ASIC2: variants seen among roughly 807,000 people sequenced by gnomAD.
The protein encoded by ASIC2 is acid-sensing ion channel 2.
In ASIC2, 25 loss-of-function variants were observed where a neutral mutation model predicts 57.3. The ratio of observed to expected loss-of-function variants is 0.44; its 90% CI spans 0.32 to 0.61. The LOEUF (loss-of-function observed/expected upper bound fraction) is 0.61, where lower values mean the gene tolerates loss of function less well. ASIC2 is among the 20% of genes least tolerant of loss of function. The probability of loss-of-function intolerance (pLI) is 0.06; values close to 1 mark genes in which losing one functional copy is unlikely to be tolerated. For missense variants in ASIC2, 641 were observed against 738.1 expected, an observed-to-expected ratio of 0.87 and a Z score of 1.52; for synonymous variants, 319 against 307.5, an observed-to-expected ratio of 1.04 and a Z score of -0.39.
At chr17:33,537,404 C>CCA (rs778435218) in intron 1 of ASIC2, among the ~76,000 whole-genome samples, 6 of 152,196 alleles carry the variant, frequency 3.9e-5, no homozygotes, top group Non-Finnish European at 7.4e-5. Flanking sequence ...GCCCACCCTG[C>CCA]CACAGCACGT....
chr17:33,240,783 C>T (rs1908472178), intron 1 of ASIC2, among the ~76,000 whole-genome samples: 1 of 152,148 alleles, frequency 6.6e-6, no homozygotes, highest in African/African-American at 2.4e-5. Flanking sequence ...CTCTGGGTGT[C>T]TTCCTCCATA....
At chr17:33,652,846 CTGA>C (rs991125078) in intron 1 of ASIC2, among the ~76,000 whole-genome samples, 1 of 152,182 alleles carries the variant, frequency 6.6e-6, no homozygotes, top group Non-Finnish European at 1.5e-5. Context: ...CTGCCAGTGA[CTGA>C]TGAAGAAATA....
intron 1 of ASIC2, among the ~76,000 whole-genome samples, chr17:33,358,532 G>A (rs1396424915): frequency 6.6e-6 from 1 of 152,072 alleles, no homozygotes; most frequent in Non-Finnish European, 1.5e-5. Context: ...CAAAGTGCTG[G>A]GCATTGAGTT....
At chr17:33,723,462 G>A (rs996582298) in intron 1 of ASIC2, among the ~76,000 whole-genome samples, 3 of 152,144 alleles carry the variant, frequency 2.0e-5, no homozygotes, top group African/African-American at 7.2e-5. Context: ...CCCAGAAGCT[G>A]GGATTACAGG....
intron 1 of ASIC2, among the ~76,000 whole-genome samples, chr17:33,168,574 C>A (rs1372714054): frequency 2.6e-5 from 4 of 152,118 alleles, no homozygotes; most frequent in African/African-American, 9.7e-5. Context: ...GAGGAAAGAC[C>A]AATCTTGTTA....
At chr17:34,037,470 A>G in intron 1 of ASIC2, 1 of 780,650 alleles carries the variant, frequency 1.3e-6, no homozygotes, top group Non-Finnish European at 2.0e-6. Flanking sequence ...CGATGCTGTC[A>G]TGCTCTATGG....
At chr17:33,135,676 C>A (rs1262624790) in intron 1 of ASIC2, among the ~76,000 whole-genome samples, 2 of 152,120 alleles carry the variant, frequency 1.3e-5, no homozygotes, top group African/African-American at 2.4e-5. Context: ...ACAAGGGAGG[C>A]CCTGTGTAGA....
At chr17:34,102,222 C>A (rs890439713) in intron 1 of ASIC2, among the ~76,000 whole-genome samples, 3 of 151,888 alleles carry the variant, frequency 2.0e-5, no homozygotes, top group East Asian at 3.9e-4. Context: ...CCCAGCTACT[C>A]GGGAGGCTGA....
At chr17:33,252,787 C>T (rs1002180917) in intron 1 of ASIC2, among the ~76,000 whole-genome samples, 1 of 152,090 alleles carries the variant, frequency 6.6e-6, no homozygotes, top group African/African-American at 2.4e-5. Context: ...GTGTTCTCTT[C>T]CCCTCATCCA....
intron 1 of ASIC2, among the ~76,000 whole-genome samples, chr17:34,132,640 T>G (rs943965652): frequency 6.6e-6 from 1 of 152,090 alleles, no homozygotes; most frequent in Non-Finnish European, 1.5e-5. Flanking sequence ...GAGTGCTGAT[T>G]GGTGCATTTT....
chr17:33,414,767 A>G (rs1910780794), intron 1 of ASIC2, among the ~76,000 whole-genome samples: 1 of 152,182 alleles, frequency 6.6e-6, no homozygotes, highest in African/African-American at 2.4e-5. Flanking sequence ...TGTCACTGAA[A>G]TCACATTAGG....
chr17:33,184,956 A>G (rs745598647), intron 1 of ASIC2, among the ~76,000 whole-genome samples: 14 of 152,210 alleles, frequency 9.2e-5, no homozygotes, highest in Non-Finnish European at 1.8e-4. Flanking sequence ...TCCTCTATAT[A>G]TCTCAAGAGT....
chr17:33,045,001 G>C (rs1002760873), intron 3 of ASIC2, among the ~76,000 whole-genome samples: 18 of 151,988 alleles, frequency 1.2e-4, no homozygotes, highest in African/African-American at 2.4e-4. Flanking sequence ...AGATACAGAG[G>C]TATAAAGAGG....
intron 1 of ASIC2, among the ~76,000 whole-genome samples, chr17:33,610,471 G>A (rs933930553): frequency 3.3e-5 from 5 of 152,082 alleles, no homozygotes; most frequent in Non-Finnish European, 7.4e-5. Context: ...CCATTGCCCC[G>A]CAATTTTGCC....
chr17:33,243,962 T>C lies in ASIC2; in HGVS notation c.708+47446A>G, dbSNP rs534769473. On this transcript the variant is annotated intron_variant, in intron 1 of 9. Coordinates refer to ENST00000225823, the MANE Select transcript of ASIC2 (RefSeq NM_183377.2). ...AAGTCACTTGACCTCTCTGGGCCTC[T>C]GTTTTCCCTTTTTCAATCCTGGGAT... Among the ~76,000 whole-genome samples the C allele has an allele frequency of 5.0e-4, 76 of 152,362 alleles. No homozygotes were observed. The South Asian group carries it at 0.015, about 30-fold the overall frequency.
In ASIC2 at chr17:33,800,392, T is replaced by C. The variant is rs191538891; in HGVS notation, c.555+355586A>G. On this transcript the variant is annotated intron_variant, in intron 1 of 9. Coordinates refer to the ASIC2 transcript ENST00000359872. ...CTATATGACTCCAGAGTTTCTGTGC[T>C]TTTACCTTGCATACACACCTGCCTT... is the stretch of plus-strand genomic sequence containing the variant. Among the ~76,000 whole-genome samples, 8 of 152,254 alleles carry C rather than the reference T, an allele frequency of 5.3e-5. No homozygotes were observed. In the East Asian group the frequency reaches 1.5e-3, roughly 29 times the overall value.
chr17:33,464,524 CTTTCTTTCTTTCTTTCTCTT>C lies in ASIC2; in HGVS notation c.556-352477_556-352458del, dbSNP rs1567621114. ...TCTTTCTTTCTTTCTTTCTTTCTTT[CTTTCTTTCTTTCTTTCTCTT>C]TCTTTCTTTCTTTCTTTCTTTTCTC... On this transcript the variant is annotated intron_variant, in intron 1 of 9. Coordinates refer to the ASIC2 transcript ENST00000359872. Among the ~76,000 whole-genome samples the C allele has an allele frequency of 6.8e-3, 251 of 36,748 alleles. 2 individuals are homozygous for C. The highest frequency in any genetic ancestry group is 0.05 in the South Asian group (53 of 1,056). The allele number at this position is 36,748 out of a possible 152,430, so 24.1% of individuals were successfully genotyped here.
chr17:33,111,854 T>C, intron 2 of ASIC2, 63 bp downstream of exon 2: 1 of 1,545,366 alleles, frequency 6.5e-7, no homozygotes, highest in Non-Finnish European at 8.7e-7. Context: ...CTCACCAGCC[T>C]TTCAGAGTCA....
At chr17:33,630,074 C>T (rs368367573) in intron 1 of ASIC2, among the ~76,000 whole-genome samples, 12 of 152,158 alleles carry the variant, frequency 7.9e-5, no homozygotes, top group African/African-American at 2.7e-4. Context: ...CAGCGGCCAT[C>T]TCTCTACTTT....
Sources: allele counts gnomAD v4.1 joint callset (sites outside exome capture counted in the v4.1 genomes callset), GRCh38; gene constraint gnomAD v4.1.1; transcripts MANE v1.5; gene names NCBI Gene and HGNC (gene_info 2026-07-23, HGNC 2026-07-21).